Variants in DDR2 observed in about 807,000 individuals in gnomAD.
DDR2 encodes discoidin domain receptor tyrosine kinase 2, also known as discoidin domain-containing receptor 2.
DDR2 carries 27 observed loss-of-function variants against 94.9 expected under a neutral mutation model. The observed-to-expected ratio is 0.28, with a 90% CI of 0.21 to 0.39. DDR2 has a LOEUF of 0.39. Ranked by LOEUF, DDR2 falls within the 10% of genes least tolerant of loss-of-function variation. The pLI, the probability that DDR2 is intolerant of heterozygous loss-of-function variation, is 1.00. For synonymous variants in DDR2, 382 were observed against 377.2 expected (o/e 1.01, Z -0.15); for missense variants, 783 against 1,076.0 (o/e 0.73, Z 3.81).
At chr1:162,655,176 G>A (rs900318950) in intron 1 of DDR2, 35 bp from the exon 2 acceptor site, 1 of 152,188 alleles carries the variant, frequency 6.6e-6, no homozygotes, top group Non-Finnish European at 1.5e-5. Flanking sequence ...TGGAACCAAA[G>A]TCTATAATAA....
At chr1:162,730,040 CTTT>C (rs543854413) in intron 3 of DDR2, among the ~76,000 whole-genome samples, 2 of 53,780 alleles carry the variant, frequency 3.7e-5, no homozygotes, top group East Asian at 5.2e-4. Context: ...CCATGCCTGG[CTTT>C]TTTTTTTTTT....
intron 1 of DDR2, among the ~76,000 whole-genome samples, chr1:162,642,819 C>T (rs945336666): frequency 5.3e-5 from 8 of 152,062 alleles, no homozygotes; most frequent in South Asian, 2.1e-4. Flanking sequence ...AAATACTTTT[C>T]ATTTGTTAAA....
intron 2 of DDR2, among the ~76,000 whole-genome samples, chr1:162,667,382 A>T (rs958149552): frequency 6.6e-6 from 1 of 152,214 alleles, no homozygotes; most frequent in African/African-American, 2.4e-5. Flanking sequence ...ACCCACACAG[A>T]TAGACTATGG....
chr1:162,723,179 G>A (rs1403890242), intron 3 of DDR2, among the ~76,000 whole-genome samples: 4 of 152,304 alleles, frequency 2.6e-5, no homozygotes, highest in African/African-American at 7.2e-5. Flanking sequence ...GGGCCAAGAG[G>A]TAGCATTTCA....
chr1:162,715,245 A>G (rs578104630), intron 2 of DDR2, among the ~76,000 whole-genome samples: 1 of 152,314 alleles, frequency 6.6e-6, no homozygotes, highest in East Asian at 1.9e-4. Context: ...TAAAATGAAC[A>G]TGGAGCTTGT....
chr1:162,747,157 G>A (rs183350896), intron 3 of DDR2, among the ~76,000 whole-genome samples: 7 of 152,280 alleles, frequency 4.6e-5, no homozygotes, highest in South Asian at 4.1e-4. Flanking sequence ...AAGGATGGAC[G>A]GAGAATGACT....
upstream of DDR2, chr1:162,631,319 T>G (rs1371594544): frequency 1.3e-5 from 2 of 152,204 alleles, no homozygotes. Flanking sequence ...CTTTCCTGTT[T>G]GCTCACTTCT....
At chr1:162,646,615 T>G (rs75307528) in intron 1 of DDR2, among the ~76,000 whole-genome samples, 4 of 152,336 alleles carry the variant, frequency 2.6e-5, no homozygotes, top group African/African-American at 4.8e-5. Context: ...CCTCTTCTTA[T>G]GTCTCCATTT....
intron 7 of DDR2, among the ~76,000 whole-genome samples, chr1:162,758,163 C>G (rs1663549378): frequency 6.6e-6 from 1 of 151,766 alleles, no homozygotes; most frequent in African/African-American, 2.4e-5. Context: ...GCTCTTAACT[C>G]CAGGGGAAAG....
At chr1:162,764,325 A>G (rs1282294796) in intron 9 of DDR2, among the ~76,000 whole-genome samples, 2 of 152,136 alleles carry the variant, frequency 1.3e-5, no homozygotes, top group African/African-American at 4.8e-5. Flanking sequence ...TTGAAAAGTT[A>G]AAAGGTGTTT....
intron 3 of DDR2, among the ~76,000 whole-genome samples, chr1:162,730,019 G>C (rs187037727): frequency 4.1e-5 from 6 of 147,950 alleles, no homozygotes; most frequent in African/African-American, 1.0e-4. Context: ...CTGGGATTAC[G>C]GCGTAAGCCA....
intron 7 of DDR2, among the ~76,000 whole-genome samples, chr1:162,756,515 C>T (rs931128050): frequency 2.6e-5 from 4 of 152,228 alleles, no homozygotes; most frequent in Non-Finnish European, 5.9e-5. Flanking sequence ...TTCTAGCCCA[C>T]ACTAACACTT....
At chr1:162,643,184 C>T (rs1042406764) in intron 1 of DDR2, among the ~76,000 whole-genome samples, 4 of 152,120 alleles carry the variant, frequency 2.6e-5, no homozygotes, top group Non-Finnish European at 4.4e-5. Context: ...TTCTGCCCCT[C>T]TCCTAGATCC....
chr1:162,694,562 C>T (rs144141724), intron 2 of DDR2, among the ~76,000 whole-genome samples: 2 of 152,226 alleles, frequency 1.3e-5, no homozygotes, highest in African/African-American at 2.4e-5. Context: ...TATCGTTGCC[C>T]CGTCATATCA....
intron 9 of DDR2, among the ~76,000 whole-genome samples, chr1:162,762,244 G>A (rs1663781358): frequency 6.6e-6 from 1 of 152,106 alleles, no homozygotes; most frequent in Admixed American, 6.6e-5. Flanking sequence ...ATGGCTTTCT[G>A]TGGTGTCATT....
At chr1:162,778,110 T>A (rs1647687076) in intron 16 of DDR2, 1 of 251,222 alleles carries the variant, frequency 4.0e-6, no homozygotes, top group African/African-American at 2.2e-5. Flanking sequence ...TGCATGCTAT[T>A]TACACCTGAA....
At chr1:162,728,319 T>G (rs1416816069) in intron 3 of DDR2, among the ~76,000 whole-genome samples, 1 of 151,578 alleles carries the variant, frequency 6.6e-6, no homozygotes, top group Non-Finnish European at 1.5e-5. Flanking sequence ...AATGTCATGC[T>G]AGTTGAGATA....
At chr1:162,637,640 T>C (rs1208210808) in intron 1 of DDR2, among the ~76,000 whole-genome samples, 2 of 152,198 alleles carry the variant, frequency 1.3e-5, no homozygotes, top group Non-Finnish European at 2.9e-5. Context: ...TTGCTGCCTC[T>C]CAAGCTGTTT....
At chr1:162,645,032 G>A (rs1382591876) in intron 1 of DDR2, among the ~76,000 whole-genome samples, 1 of 152,240 alleles carries the variant, frequency 6.6e-6, no homozygotes, top group Non-Finnish European at 1.5e-5. Flanking sequence ...GCAATGTAAG[G>A]TGGGTCGGAA....
Sources: gnomAD v4.1 joint callset for allele counts (sites outside exome capture counted in the v4.1 genomes callset) on GRCh38, gnomAD v4.1.1 for gene constraint, MANE v1.5 for transcripts, NCBI Gene and HGNC (gene_info 2026-07-23, HGNC 2026-07-21) for gene names.